The following SMYD2 variants were observed in gnomAD, a reference collection of about 807,000 sequenced individuals.
The protein encoded by SMYD2 is N-lysine methyltransferase SMYD2.
In SMYD2, 53 loss-of-function variants were observed where a neutral mutation model predicts 59.1. That is an observed-to-expected ratio of 0.90 (90% CI 0.72 to 1.13). SMYD2 has a LOEUF of 1.13. Ranked by LOEUF, SMYD2 falls within the 50% of genes most tolerant of loss-of-function variation. The probability of loss-of-function intolerance (pLI) is 0.00; values close to 1 mark genes in which losing one functional copy is unlikely to be tolerated. For synonymous variants in SMYD2, 208 were observed against 198.8 expected, an observed-to-expected ratio of 1.05 and a Z score of -0.39; for missense variants, 494 against 544.7, an observed-to-expected ratio of 0.91 and a Z score of 0.93.
Position 214,318,365 on chromosome 1 carries a change from A to G in SMYD2, c.409+226A>G, listed in dbSNP as rs1657117267. Among the ~76,000 whole-genome samples the G allele has an allele frequency of 6.6e-6, 1 of 152,204 alleles. No individual in the cohort carries two copies. The highest frequency in any genetic ancestry group is 6.5e-5 in the Admixed American group (1 of 15,274). On this transcript the variant is annotated intron_variant, in intron 4 of 11. Coordinates refer to ENST00000366957, the MANE Select transcript of SMYD2 (RefSeq NM_020197.3). The surrounding 1 kb of genome is among the most constrained non-coding windows in gnomAD (Gnocchi z 5.4). Reference sequence around the variant, plus strand: ...TAATTAAAGGAGGTAGGAGCTCCCAAAATGAATTATTGCACCCTGAGCTAC... The same window carrying G: ...TAATTAAAGGAGGTAGGAGCTCCCAGAATGAATTATTGCACCCTGAGCTAC...
rs1657285135 is a variant in SMYD2 at position 214,327,698 on chromosome 1, G to A, written c.679G>A (p.Val227Ile). ...AGGGACCCTGGCAGAAGTCAGAGCT[G>A]TACAGGAAATCAAGCCGGGAGAGGA... ...YKGTLAEVRA[V>I]QEIKPGEEVF... The change falls in exon 7 of 12, where the codon GTA becomes ATA. Residue 227 changes from valine to isoleucine, a missense_variant. Coordinates refer to ENST00000366957, the MANE Select transcript of SMYD2 (RefSeq NM_020197.3). 7 of 1,614,180 alleles carry A rather than the reference G, an allele frequency of 4.3e-6. No individual in the cohort carries two copies. The highest frequency in any genetic ancestry group is 5.9e-6 in the Non-Finnish European group (7 of 1,180,004).
At chr1:214,304,557 T>TCAAA (rs1656885274) in intron 1 of SMYD2, among the ~76,000 whole-genome samples, 1 of 20,536 alleles carries the variant, frequency 4.9e-5, no homozygotes, top group Non-Finnish European at 7.7e-5. Context: ...AGACCCTATC[T>TCAAA]CAAAAAAAAA....
intron 11 of SMYD2, 26 bp from the exon 12 acceptor site, chr1:214,336,678 T>G: frequency 6.2e-7 from 1 of 1,610,250 alleles, no homozygotes; most frequent in Non-Finnish European, 8.5e-7. Context: ...TTCTAGGCTC[T>G]CATTGTTTGT....
chr1:214,325,615 A>G (rs900224226), intron 6 of SMYD2, among the ~76,000 whole-genome samples: 1 of 152,172 alleles, frequency 6.6e-6, no homozygotes, highest in Non-Finnish European at 1.5e-5. Flanking sequence ...TGCGTTGTGT[A>G]GGTCAGAAAG....
At chr1:214,334,429 C>T in intron 11 of SMYD2, 121 bp downstream of exon 11, 1 of 894,986 alleles carries the variant, frequency 1.1e-6, no homozygotes, top group Non-Finnish European at 1.8e-6. Context: ...CTCACCCACC[C>T]TCTTGCCGTG....
Position 214,281,418 on chromosome 1 carries a change from G to A in SMYD2, c.164G>A (p.Cys55Tyr). ...GAGCGGGGCAACCACTGCGAGTACTGCTTCACCAGGTAGGGCGGCGGCGGC... is the reference window on the plus strand; with the variant it reads ...GAGCGGGGCAACCACTGCGAGTACTACTTCACCAGGTAGGGCGGCGGCGGC... ...VNERGNHCEYCFTRKEGLSKC... is the reference protein window; with the variant it reads ...VNERGNHCEYYFTRKEGLSKC... The change falls in exon 1 of 12, where the codon TGC becomes TAC. Residue 55 changes from cysteine to tyrosine, a missense_variant. By Grantham distance (194) the Cys-to-Tyr change is radical. Transcript: ENST00000366957. 6.9e-7 allele frequency: 1 copy of A among 1,440,722 alleles called. No individual in the cohort carries two copies. Among genetic ancestry groups the A allele is most frequent in the Non-Finnish European group, 9.2e-7 (1 of 1,091,730 alleles). The allele number at this position is 1,440,722 out of a possible 1,614,324, so 89.2% of individuals were successfully genotyped here.
At chr1:214,299,482 T>TATATATATATATATATATATATAC (rs751839365) in intron 1 of SMYD2, among the ~76,000 whole-genome samples, 1 of 45,870 alleles carries the variant, frequency 2.2e-5, no homozygotes, top group African/African-American at 6.7e-5. Flanking sequence ...TATATATATA[T>TATATATATATATATATATATATAC]ACACCATAGA....
chr1:214,306,403 C>G (rs1656916140), intron 2 of SMYD2, among the ~76,000 whole-genome samples: 1 of 152,190 alleles, frequency 6.6e-6, no homozygotes, highest in Non-Finnish European at 1.5e-5. Flanking sequence ...GCGGCCCCTC[C>G]CCAGAATGAA....
intron 6 of SMYD2, among the ~76,000 whole-genome samples, chr1:214,327,133 T>C (rs1027655108): frequency 3.0e-4 from 46 of 152,186 alleles, no homozygotes; most frequent in Admixed American, 2.6e-3. Context: ...CTCAGACGGG[T>C]GTCTCCGGGT....
intron 6 of SMYD2, among the ~76,000 whole-genome samples, chr1:214,325,141 C>G (rs891563235): frequency 3.3e-5 from 5 of 152,172 alleles, no homozygotes; most frequent in African/African-American, 1.2e-4. Flanking sequence ...TTGATAAATA[C>G]CAGTACAGAA....
rs181379801 is a variant in SMYD2, at chr1:214,315,157, G to A, written c.348+285G>A. Among the ~76,000 whole-genome samples the A allele has an allele frequency of 7.6e-4, 115 of 152,316 alleles. 1 individual carries two copies. The highest frequency in any genetic ancestry group is 3.1e-3 in the South Asian group (15 of 4,824). ...AGGTTTACATGGAAATACGTGACAT[G>A]AAAAGCCTGACCTCAAATAATTAGA... is the stretch of plus-strand genomic sequence containing the variant. On this transcript the variant is annotated intron_variant, in intron 3 of 11. Coordinates refer to ENST00000366957, the MANE Select transcript of SMYD2 (RefSeq NM_020197.3).
At position 214,332,140 on chromosome 1, in the gene SMYD2, C is replaced by T; in HGVS notation, c.1060C>T (p.Gln354Ter). The change falls in exon 10 of 12, where the codon CAG becomes TAG. Residue 354 changes from glutamine to a stop codon, truncating the protein, a stop_gained. Coordinates refer to ENST00000366957, the MANE Select transcript of SMYD2 (RefSeq NM_020197.3). LOFTEE classifies it high-confidence loss of function. The part of the protein sequence containing the change: ...YQAMGVCLYM[Q>*]DWEGALQYGQ... ...GGCCATGGGTGTCTGCTTGTACATGCAGGACTGGGAAGGAGCCCTGCAATA... is the reference window on the plus strand; with the variant it reads ...GGCCATGGGTGTCTGCTTGTACATGTAGGACTGGGAAGGAGCCCTGCAATA... 6.2e-7 allele frequency: 1 copy of T among 1,614,174 alleles called. No homozygotes were observed. Among genetic ancestry groups the T allele is most frequent in the Non-Finnish European group, 8.5e-7 (1 of 1,180,044 alleles).
chr1:214,336,821 G>C lies in SMYD2; in HGVS notation c.*37G>C. ...ATTTCAGTTTTCATTTAAACACTTA[G>C]TTCAGAAACCTTAAAGGATTTGAAT... On this transcript the variant is annotated 3_prime_UTR_variant, in exon 12 of 12. Transcript: ENST00000366957. 1 of 1,558,430 alleles carries C rather than the reference G, an allele frequency of 6.4e-7. No individual in the cohort carries two copies. The highest frequency in any genetic ancestry group is 8.8e-7 in the Non-Finnish European group (1 of 1,135,880).
At chr1:214,320,961 A>G (rs558514221) in intron 5 of SMYD2, among the ~76,000 whole-genome samples, 20 of 152,364 alleles carry the variant, frequency 1.3e-4, no homozygotes, top group African/African-American at 4.6e-4. Flanking sequence ...AAATGAATAC[A>G]TAATTTTTTC....
chr1:214,316,417 G>C (rs901170012), intron 3 of SMYD2, among the ~76,000 whole-genome samples: 2 of 151,830 alleles, frequency 1.3e-5, no homozygotes, highest in African/African-American at 4.8e-5. Context: ...GAACTTCAAG[G>C]CTGCAGTGAG....
chr1:214,281,551 G>A, intron 1 of SMYD2, 124 bp downstream of exon 1: 1 of 894,058 alleles, frequency 1.1e-6, no homozygotes, highest in Non-Finnish European at 1.4e-6. Flanking sequence ...GGGCGGGGTG[G>A]GGGGCGGGGA....
At chr1:214,302,139 C>G (rs532578284) in intron 1 of SMYD2, among the ~76,000 whole-genome samples, 1 of 151,910 alleles carries the variant, frequency 6.6e-6, no homozygotes, top group Non-Finnish European at 1.5e-5. Context: ...GTCAGGAGTT[C>G]GAGACCATCC....
chr1:214,312,859 C>T lies in SMYD2; in HGVS notation c.238-1903C>T, dbSNP rs540051251. On this transcript the variant is annotated intron_variant, in intron 2 of 11. Transcript: ENST00000366957. This position sits in a 1 kb window ranked among gnomAD's most constrained non-coding sequence, Gnocchi z 4.1. Reference sequence around the variant, plus strand: ...TTTTGAGCTGAGGACTGGCCTGATCCGAGTTTTGTCAACAGAATCCCTCAG... The same window carrying T: ...TTTTGAGCTGAGGACTGGCCTGATCTGAGTTTTGTCAACAGAATCCCTCAG... Among the ~76,000 whole-genome samples, 9 of 152,268 alleles carry T rather than the reference C, an allele frequency of 5.9e-5. No homozygotes were observed. The highest frequency in any genetic ancestry group is 2.1e-4 in the South Asian group (1 of 4,822).
rs1393621035 is a variant in SMYD2 at position 214,318,762 on chromosome 1, G to T, written c.410-97G>T. The stretch of plus-strand genomic sequence containing the variant: ...GTTAGTTTTGGGTTTTTTTTTTTTC[G>T]CCCGTTCCTTTCCTCTGTATCATTT... On this transcript the variant is annotated intron_variant, in intron 4 of 11. Coordinates refer to ENST00000366957, the MANE Select transcript of SMYD2 (RefSeq NM_020197.3). This position sits in a 1 kb window ranked among gnomAD's most constrained non-coding sequence, Gnocchi z 5.4. 1.8e-5 allele frequency: 23 copies of T among 1,252,524 alleles called. No individual in the cohort carries two copies. Among genetic ancestry groups the T allele is most frequent in the African/African-American group, 6.2e-5 (4 of 64,066 alleles). 77.6% of individuals were successfully genotyped at this position (1,252,524 alleles called of 1,614,324 possible). A position where few individuals can be genotyped will look rare whatever the true frequency, so the allele number is the denominator to read the frequency against.
Sources: allele counts gnomAD v4.1 joint callset (sites outside exome capture counted in the v4.1 genomes callset), GRCh38; gene constraint gnomAD v4.1.1; non-coding constraint Gnocchi (gnomAD v3.1); transcripts MANE v1.5; gene names NCBI Gene and HGNC (gene_info 2026-07-23, HGNC 2026-07-21).